HDHD2: variants seen among roughly 807,000 people sequenced by gnomAD.
HDHD2 encodes the protein haloacid dehalogenase-like hydrolase domain-containing protein 2.
In HDHD2, 26 loss-of-function variants were observed where a neutral mutation model predicts 24.8. That is an observed-to-expected ratio of 1.05 (90% confidence interval 0.77 to 1.45). HDHD2 has a LOEUF of 1.45. HDHD2 is among the 40% of genes most tolerant of loss of function. The probability of loss-of-function intolerance (pLI) is 0.00; values close to 1 mark genes in which losing one functional copy is unlikely to be tolerated. For synonymous variants in HDHD2, 128 were observed against 114.9 expected, an observed-to-expected ratio of 1.11 and a Z score of -0.73; for missense variants, 299 against 313.4, an observed-to-expected ratio of 0.95 and a Z score of 0.35.
At chr18:47,110,890 T>C (rs997317316) in intron 6 of HDHD2, 21 of 984,708 alleles carry the variant, frequency 2.1e-5, no homozygotes, top group Non-Finnish European at 2.5e-5. Flanking sequence ...ATTGATCAAA[T>C]TATATTGAGC....
chr18:47,138,911 A>C (rs2063793361), intron 1 of HDHD2, among the ~76,000 whole-genome samples: 1 of 152,196 alleles, frequency 6.6e-6, no homozygotes, highest in African/African-American at 2.4e-5. Context: ...TACCCTTTAC[A>C]TTCAATCACA....
rs1329743149 is a variant in HDHD2 at position 47,150,432 on chromosome 18, AC to A, written c.-66del. 6.6e-6 allele frequency: 1 copy of A among 152,342 alleles called. No homozygotes were observed. The highest frequency in any genetic ancestry group is 1.5e-5 in the Non-Finnish European group (1 of 68,158). The allele number at this position is 152,342 out of a possible 1,614,324, so 9.4% of individuals were successfully genotyped here. On this transcript the variant is annotated 5_prime_UTR_variant, in exon 1 of 7. Coordinates refer to ENST00000300605, the MANE Select transcript of HDHD2 (RefSeq NM_032124.5). ...GCCCCCGCTAATGGCAAAGCCAGCC[AC>A]CCGCACTGGCCGCGGGTCCTCAGCC... is the stretch of plus-strand genomic sequence containing the variant.
intron 4 of HDHD2, among the ~76,000 whole-genome samples, chr18:47,122,534 C>G (rs2063617353): frequency 6.6e-6 from 1 of 152,106 alleles, no homozygotes; most frequent in Non-Finnish European, 1.5e-5. Context: ...AACCGCTAAA[C>G]TAAAGTAATG....
intron 1 of HDHD2, among the ~76,000 whole-genome samples, chr18:47,144,806 A>C (rs1306893121): frequency 2.0e-5 from 3 of 151,346 alleles, no homozygotes; most frequent in African/African-American, 7.3e-5. Flanking sequence ...TCTCAAAAAA[A>C]AAAAAAAAGA....
rs1178424208 is a variant in HDHD2, at chr18:47,150,360, C to G, written c.-11+18G>C. On this transcript the variant is annotated intron_variant, in intron 1 of 6. Transcript: ENST00000300605. Reference sequence around the variant, plus strand: ...CCAATTGCGCTTCTTCCTCTTCAGTCCTACAGCGGCTTCTCACCCACACTC... The same window carrying G: ...CCAATTGCGCTTCTTCCTCTTCAGTGCTACAGCGGCTTCTCACCCACACTC... 1 of 152,418 alleles carries G rather than the reference C, an allele frequency of 6.6e-6. No homozygotes were observed. The highest frequency in any genetic ancestry group is 2.4e-5 in the African/African-American group (1 of 41,470). 9.4% of individuals were successfully genotyped at this position (152,418 alleles called of 1,614,324 possible).
intron 4 of HDHD2, among the ~76,000 whole-genome samples, chr18:47,117,203 C>T (rs2063564596): frequency 1.9e-4 from 29 of 152,000 alleles, no homozygotes; most frequent in Admixed American, 1.9e-3. Context: ...TCAGAGCCAC[C>T]CCAATACTTG....
chr18:47,109,028 G>C, intron 6 of HDHD2: 1 of 473,766 alleles, frequency 2.1e-6, no homozygotes, highest in Non-Finnish European at 3.7e-6. Flanking sequence ...ACAGGTACTG[G>C]ATCGTCTGAC....
chr18:47,132,973 G>C (rs72907205), intron 3 of HDHD2, among the ~76,000 whole-genome samples: 3,999 of 152,242 alleles, frequency 0.026, 62 homozygotes, highest in Non-Finnish European at 0.041. Context: ...AATACTCAAA[G>C]TAATTTTGAC....
chr18:47,115,053 T>C, intron 5 of HDHD2, 79 bp downstream of exon 5: 2 of 966,304 alleles, frequency 2.1e-6, no homozygotes, highest in Non-Finnish European at 3.3e-6. Context: ...AATGTCCCCT[T>C]TCCTAAAGCA....
At chr18:47,111,310 A>ATTTGCCTCTCTTATTGGCTGC (rs2063514069) in intron 6 of HDHD2, 1 of 984,932 alleles carries the variant, frequency 1.0e-6, no homozygotes. Context: ...TGGGCCCATC[A>ATTTGCCTCTCTTATTGGCTGC]AGACACTGAC....
At chr18:47,146,816 A>T (rs974630338) in intron 1 of HDHD2, among the ~76,000 whole-genome samples, 5 of 152,188 alleles carry the variant, frequency 3.3e-5, no homozygotes, top group African/African-American at 1.2e-4. Context: ...CTGTAAAGAG[A>T]AGCAAGGGAA....
intron 1 of HDHD2, among the ~76,000 whole-genome samples, chr18:47,137,875 GAAAA>G (rs752099727): frequency 7.0e-6 from 1 of 143,474 alleles, no homozygotes; most frequent in Non-Finnish European, 1.5e-5. Context: ...CTTCCTGTTG[GAAAA>G]AAAAAAAAGA....
At chr18:47,148,863 C>T (rs991465608) in intron 1 of HDHD2, among the ~76,000 whole-genome samples, 3 of 152,210 alleles carry the variant, frequency 2.0e-5, no homozygotes, top group African/African-American at 7.2e-5. Context: ...TACAATGCAA[C>T]AGTGCAGTGG....
intron 4 of HDHD2, among the ~76,000 whole-genome samples, chr18:47,115,622 GA>G (rs923743539): frequency 2.6e-5 from 4 of 152,124 alleles, no homozygotes; most frequent in African/African-American, 9.7e-5. Flanking sequence ...AATCACCAGG[GA>G]AAGAGAATTA....
rs1568044055 is a variant in HDHD2 at position 47,115,251 on chromosome 18, C to T, written c.493G>A (p.Ala165Thr). The T allele has an allele frequency of 6.2e-7, 1 of 1,614,010 alleles. No individual in the cohort carries two copies. The highest frequency in any genetic ancestry group is 1.1e-5 in the South Asian group (1 of 91,074). ...LALGPGPFVT[A>T]LEYATDTKAT... is the part of the protein sequence containing the mutation. The stretch of plus-strand genomic sequence containing the variant: ...TTGGTATCTGTGGCATACTCTAAAG[C>T]AGTCACAAATGGTCCAGGCCCCAGG... Residue 165 changes from alanine (A) to threonine (T), a missense_variant, in exon 5 of 7, where the codon GCT becomes ACT. Coordinates refer to ENST00000300605, the MANE Select transcript of HDHD2 (RefSeq NM_032124.5).
chr18:47,125,815 T>C (rs958423321), intron 4 of HDHD2, among the ~76,000 whole-genome samples: 5 of 152,216 alleles, frequency 3.3e-5, no homozygotes, highest in African/African-American at 1.2e-4. Flanking sequence ...CATAGGTATA[T>C]CTATGTGTAA....
At chr18:47,149,479 G>C (rs1047931450) in intron 1 of HDHD2, among the ~76,000 whole-genome samples, 7 of 152,080 alleles carry the variant, frequency 4.6e-5, no homozygotes, top group Non-Finnish European at 1.0e-4. Context: ...CTGACCTCTG[G>C]ATAAAGTCTG....
chr18:47,136,836 T>G (rs531470185), intron 1 of HDHD2, among the ~76,000 whole-genome samples: 1 of 152,326 alleles, frequency 6.6e-6, no homozygotes, highest in Admixed American at 6.5e-5. Context: ...TAGCAGAGTC[T>G]TCTTCATCTT....
At chr18:47,122,033 T>C (rs2063612223) in intron 4 of HDHD2, among the ~76,000 whole-genome samples, 1 of 152,202 alleles carries the variant, frequency 6.6e-6, no homozygotes, top group Non-Finnish European at 1.5e-5. Context: ...TGGTAATCCT[T>C]ATCCTATTGT....
Sources: gnomAD v4.1 joint callset for allele counts (sites outside exome capture counted in the v4.1 genomes callset) on GRCh38, gnomAD v4.1.1 for gene constraint, MANE v1.5 for transcripts, NCBI Gene and HGNC (gene_info 2026-07-23, HGNC 2026-07-21) for gene names.